PCDH15: variants seen among roughly 807,000 people sequenced by gnomAD.
The protein encoded by PCDH15 is protocadherin-15.
A neutral mutation model predicts 178.5 loss-of-function variants in PCDH15; 129 were observed. The ratio of observed to expected loss-of-function variants is 0.72; its 90% CI spans 0.63 to 0.84. The LOEUF (loss-of-function observed/expected upper bound fraction) is 0.84, where lower values mean the gene tolerates loss of function less well. PCDH15 is among the 40% of genes least tolerant of loss of function. The pLI is 0.00. For synonymous variants in PCDH15, 800 were observed against 732.0 expected (o/e 1.09, Z -1.50); for missense variants, 2,230 against 2,099.9 (o/e 1.06, Z -1.21).
At chr10:54,911,196 T>C (rs554480052) in intron 2 of PCDH15, among the ~76,000 whole-genome samples, 4 of 152,294 alleles carry the variant, frequency 2.6e-5, no homozygotes, top group East Asian at 3.9e-4. Flanking sequence ...GGTCTTCAGA[T>C]ACAGTTTCAC....
chr10:55,482,124 T>C (rs1365891798), intron 2 of PCDH15, among the ~76,000 whole-genome samples: 1 of 151,882 alleles, frequency 6.6e-6, no homozygotes, highest in Non-Finnish European at 1.5e-5. Context: ...TAAAGTCTGT[T>C]TTGTCAGACA....
chr10:55,088,483 A>G (rs951823978), intron 2 of PCDH15, among the ~76,000 whole-genome samples: 1 of 152,040 alleles, frequency 6.6e-6, no homozygotes, highest in African/African-American at 2.4e-5. Context: ...CCTGTTGGCC[A>G]GGCTGGTCTT....
At chr10:54,897,005 A>G (rs1954558059) in intron 3 of PCDH15, among the ~76,000 whole-genome samples, 1 of 152,162 alleles carries the variant, frequency 6.6e-6, no homozygotes, top group African/African-American at 2.4e-5. Flanking sequence ...TTCAGATTTT[A>G]GGTTTTATGT....
intron 21 of PCDH15, among the ~76,000 whole-genome samples, chr10:53,972,438 T>G (rs540958709): frequency 1.7e-3 from 259 of 152,110 alleles, no homozygotes; most frequent in African/African-American, 4.9e-3. Flanking sequence ...ATTGACAAAT[T>G]GGATCTAATT....
At chr10:55,426,518 C>G (rs970997043) in intron 2 of PCDH15, among the ~76,000 whole-genome samples, 22 of 152,090 alleles carry the variant, frequency 1.4e-4, no homozygotes, top group African/African-American at 5.1e-4. Flanking sequence ...GCCCGCAAAC[C>G]CGGTAGCCCC....
Position 55,184,983 on chromosome 10 carries a change from T to C in PCDH15, c.-155-18332A>G, listed in dbSNP as rs138304532. Among the ~76,000 whole-genome samples the C allele has an allele frequency of 3.0e-3, 457 of 152,022 alleles. 5 individuals carry two copies. Among genetic ancestry groups the C allele is most frequent in the African/African-American group, 0.01 (423 of 41,548 alleles). On this transcript the variant is annotated intron_variant, in intron 1 of 5. Coordinates refer to the PCDH15 transcript ENST00000458638. ...CATTTTAGAAGTTCCTTCAGTTGGA[T>C]GTGAAAATTCTACCATTATTAAGAA...
intron 1 of PCDH15, among the ~76,000 whole-genome samples, chr10:54,740,523 G>C (rs1944646639): frequency 6.6e-6 from 1 of 151,442 alleles, no homozygotes; most frequent in Admixed American, 6.6e-5. Context: ...TCCATTCCTT[G>C]GTGTATGTCC....
chr10:55,275,381 A>G (rs1309207127), intron 1 of PCDH15, among the ~76,000 whole-genome samples: 1 of 152,024 alleles, frequency 6.6e-6, no homozygotes, highest in Admixed American at 6.5e-5. Context: ...ACTCTTTCCC[A>G]GATTTAAGAA....
intron 2 of PCDH15, among the ~76,000 whole-genome samples, chr10:55,036,115 C>A (rs2131971722): frequency 6.6e-6 from 1 of 152,162 alleles, no homozygotes; most frequent in East Asian, 1.9e-4. Context: ...TGGATTAATG[C>A]CCATTATGAA....
chr10:53,843,048 G>A (rs1367042170), intron 28 of PCDH15, among the ~76,000 whole-genome samples: 1 of 152,136 alleles, frequency 6.6e-6, no homozygotes, highest in Non-Finnish European at 1.5e-5. Context: ...AAAAATAGAT[G>A]TGGAATAAAA....
intron 2 of PCDH15, among the ~76,000 whole-genome samples, chr10:54,901,398 C>G (rs550841826): frequency 3.0e-4 from 45 of 152,136 alleles, no homozygotes; most frequent in Non-Finnish European, 6.0e-4. Context: ...AGTGTCAAGT[C>G]TCTATGAAAT....
At chr10:55,537,547 T>G (rs1487982480) in intron 2 of PCDH15, among the ~76,000 whole-genome samples, 1 of 124,382 alleles carries the variant, frequency 8.0e-6, no homozygotes, top group Non-Finnish European at 1.7e-5. Flanking sequence ...GCAATTCTCC[T>G]GCCTCAGCCT....
chr10:53,913,747 AAAAAACC>A (rs371628715), intron 25 of PCDH15, among the ~76,000 whole-genome samples: 1,471 of 146,834 alleles, frequency 0.01, 20 homozygotes, highest in South Asian at 0.041. Flanking sequence ...CTGTCTCAAA[AAAAAACC>A]AAAAAACAAA....
chr10:54,697,886 C>G (rs1308656256), intron 1 of PCDH15, among the ~76,000 whole-genome samples: 5 of 152,084 alleles, frequency 3.3e-5, no homozygotes, highest in Non-Finnish European at 5.9e-5. Flanking sequence ...CTTACTCTAA[C>G]AGGCACTTAC....
chr10:54,548,112 A>G (rs1020215186), intron 2 of PCDH15, among the ~76,000 whole-genome samples: 3 of 147,028 alleles, frequency 2.0e-5, no homozygotes, highest in African/African-American at 7.4e-5. Flanking sequence ...AAAAAAAAAA[A>G]CCAAAAAAAC....
chr10:55,172,296 TC>T (rs1839357523), intron 1 of PCDH15, among the ~76,000 whole-genome samples: 2 of 152,072 alleles, frequency 1.3e-5, no homozygotes, highest in East Asian at 3.9e-4. Context: ...ACGTAAGTAC[TC>T]CTCTAATTAA....
chr10:54,893,383 G>T (rs900196968), intron 3 of PCDH15, among the ~76,000 whole-genome samples: 2 of 152,008 alleles, frequency 1.3e-5, no homozygotes, highest in Admixed American at 1.3e-4. Flanking sequence ...TTTGCTAAGT[G>T]CCATTTAGCT....
intron 2 of PCDH15, among the ~76,000 whole-genome samples, chr10:54,976,260 T>A (rs1228081805): frequency 6.6e-6 from 1 of 152,102 alleles, no homozygotes; most frequent in African/African-American, 2.4e-5. Flanking sequence ...CAAGATTGGT[T>A]CTAGAACTAT....
intron 3 of PCDH15, among the ~76,000 whole-genome samples, chr10:54,464,100 C>T (rs1168888769): frequency 6.6e-6 from 1 of 152,114 alleles, no homozygotes; most frequent in African/African-American, 2.4e-5. Context: ...CCTGCACAGC[C>T]AGGGCTCTGT....
Sources: gnomAD v4.1 joint callset for allele counts (sites outside exome capture counted in the v4.1 genomes callset) on GRCh38, gnomAD v4.1.1 for gene constraint, MANE v1.5 for transcripts, NCBI Gene and HGNC (gene_info 2026-07-23, HGNC 2026-07-21) for gene names.